HPSE2: variants seen among roughly 807,000 people sequenced by gnomAD.
HPSE2 encodes heparanase 2 (inactive).
In HPSE2, 38 loss-of-function variants were observed where a neutral mutation model predicts 60.5. That is an observed-to-expected ratio of 0.63 (90% confidence interval 0.48 to 0.82). The LOEUF (loss-of-function observed/expected upper bound fraction) is 0.82, where lower values mean the gene tolerates loss of function less well. HPSE2 is among the 40% of genes least tolerant of loss of function. The pLI, the probability that HPSE2 is intolerant of heterozygous loss-of-function variation, is 0.00. For missense variants in HPSE2, 713 were observed against 740.4 expected (o/e 0.96, Z 0.43); for synonymous variants, 295 against 293.2 (o/e 1.01, Z -0.06).
At chr10:99,090,856 G>A (rs1457020707) in intron 3 of HPSE2, among the ~76,000 whole-genome samples, 4 of 151,942 alleles carry the variant, frequency 2.6e-5, no homozygotes, top group East Asian at 1.9e-4. Flanking sequence ...CTGAGGTTGC[G>A]GCCTATTAAT....
intron 3 of HPSE2, among the ~76,000 whole-genome samples, chr10:98,872,493 T>TA (rs1952760279): frequency 6.6e-6 from 1 of 152,116 alleles, no homozygotes; most frequent in Non-Finnish European, 1.5e-5. Context: ...TGGAGTAACT[T>TA]AAAGTGTTAC....
chr10:99,221,797 G>T (rs1028250797), intron 2 of HPSE2, among the ~76,000 whole-genome samples: 1 of 152,104 alleles, frequency 6.6e-6, no homozygotes, highest in African/African-American at 2.4e-5. Flanking sequence ...CTACAGGGAG[G>T]CGGAGAGAAG....
At chr10:98,906,003 T>C (rs1953805705) in intron 3 of HPSE2, among the ~76,000 whole-genome samples, 1 of 152,124 alleles carries the variant, frequency 6.6e-6, no homozygotes, top group African/African-American at 2.4e-5. Flanking sequence ...CTAGGAATTG[T>C]CCTTAGCTGA....
chr10:98,971,392 CCTCT>C (rs63020562), intron 3 of HPSE2, among the ~76,000 whole-genome samples: 4 of 151,738 alleles, frequency 2.6e-5, no homozygotes, highest in Non-Finnish European at 5.9e-5. Flanking sequence ...CCTTGCAAAG[CCTCT>C]CTCTTTCATT....
intron 9 of HPSE2, among the ~76,000 whole-genome samples, chr10:98,603,038 T>C (rs1945472790): frequency 6.6e-6 from 1 of 152,134 alleles, no homozygotes; most frequent in Non-Finnish European, 1.5e-5. Flanking sequence ...CTTCCATATA[T>C]GAGGAGTTTA....
In HPSE2 at chr10:98,728,902, A is replaced by C. The variant is rs547131919; in HGVS notation, c.785-7074T>G. On this transcript the variant is annotated intron_variant, in intron 4 of 11. Transcript: ENST00000370552. The stretch of plus-strand genomic sequence containing the variant: ...CATGCACCTGCAGTCCCAGCTACTC[A>C]GGAGGCTAAGGTGGGAGAATCGCTT... Among the ~76,000 whole-genome samples, 21 of 152,160 alleles carry C rather than the reference A, an allele frequency of 1.4e-4. 1 individual carries two copies. In the South Asian group the frequency reaches 3.1e-3, roughly 23 times the overall value.
chr10:99,171,594 C>G (rs1847311701), intron 2 of HPSE2, among the ~76,000 whole-genome samples: 1 of 152,146 alleles, frequency 6.6e-6, no homozygotes, highest in Non-Finnish European at 1.5e-5. Context: ...TACACCAAAG[C>G]AGCATTCATG....
At chr10:99,116,332 C>T (rs369683582) in intron 3 of HPSE2, among the ~76,000 whole-genome samples, 29 of 152,060 alleles carry the variant, frequency 1.9e-4, no homozygotes, top group African/African-American at 6.8e-4. Flanking sequence ...CATTATGATT[C>T]CTTCATCTAT....
intron 3 of HPSE2, among the ~76,000 whole-genome samples, chr10:99,104,288 GA>G (rs1317043108): frequency 1.3e-5 from 2 of 151,850 alleles, no homozygotes. Context: ...AAATTTACAA[GA>G]AAAAAACAAA....
Position 99,013,283 on chromosome 10 carries a change from C to G in HPSE2, c.610+130955G>C, listed in dbSNP as rs796511124. 1.8e-5 allele frequency: 11 copies of G among 618,128 alleles called. No homozygotes were observed. In the African/African-American group the frequency reaches 1.8e-4, roughly 10 times the overall value. 38.3% of individuals were successfully genotyped at this position (618,128 alleles called of 1,614,324 possible). On this transcript the variant is annotated intron_variant, in intron 3 of 11. Transcript: ENST00000370552. ...CTTGTTTATTAGCAAAAATCAGTAACCCAGCTTTTCTTAGGTCCTCATGTG... is the reference window on the plus strand; with the variant it reads ...CTTGTTTATTAGCAAAAATCAGTAAGCCAGCTTTTCTTAGGTCCTCATGTG...
At chr10:99,302,404 A>T in the HPSE2 span, among the ~76,000 whole-genome samples, 1 of 149,242 alleles carries the variant, frequency 6.7e-6, no homozygotes, top group Non-Finnish European at 1.5e-5. Flanking sequence ...GTTATACACT[A>T]TTCACTACTG....
At chr10:98,915,436 C>T (rs541377937) in intron 3 of HPSE2, among the ~76,000 whole-genome samples, 22 of 152,004 alleles carry the variant, frequency 1.4e-4, no homozygotes, top group African/African-American at 5.1e-4. Flanking sequence ...TGTGAGCCAC[C>T]GCGCCCAGCC....
At chr10:98,526,099 T>G (rs570063746) in intron 9 of HPSE2, among the ~76,000 whole-genome samples, 9 of 152,260 alleles carry the variant, frequency 5.9e-5, no homozygotes, top group African/African-American at 2.2e-4. Context: ...GAAGCCACAG[T>G]TTCTGCTATT....
At chr10:99,184,793 T>TATATATATATATATATATA (rs1406185102) in intron 2 of HPSE2, among the ~76,000 whole-genome samples, 2 of 20,536 alleles carry the variant, frequency 9.7e-5, no homozygotes, top group Non-Finnish European at 2.1e-4. Context: ...AAATTATATA[T>TATATATATATATATATATA]ATATATATAT....
chr10:98,743,136 C>T (rs1055402979), intron 4 of HPSE2, among the ~76,000 whole-genome samples: 6 of 151,850 alleles, frequency 4.0e-5, no homozygotes, highest in Non-Finnish European at 8.8e-5. Flanking sequence ...CCACGTCTGG[C>T]TAATTTTTGT....
At chr10:98,561,727 A>C (rs1944189583) in intron 9 of HPSE2, among the ~76,000 whole-genome samples, 1 of 152,162 alleles carries the variant, frequency 6.6e-6, no homozygotes, top group African/African-American at 2.4e-5. Flanking sequence ...GGGCGCCTGC[A>C]ATTCCAGCTA....
intron 11 of HPSE2, 135 bp from the exon 12 acceptor site, chr10:98,459,874 T>G: frequency 1.2e-6 from 1 of 863,856 alleles, no homozygotes; most frequent in South Asian, 1.5e-5. Context: ...GGCTATGCCC[T>G]AGATTCTGAC....
intron 3 of HPSE2, among the ~76,000 whole-genome samples, chr10:98,847,107 A>C (rs780196034): frequency 3.3e-5 from 5 of 152,196 alleles, no homozygotes; most frequent in Non-Finnish European, 5.9e-5. Flanking sequence ...ATTTACCTTC[A>C]GATTCAATAA....
chr10:99,268,670 T>C, the HPSE2 span, among the ~76,000 whole-genome samples: 9 of 144,660 alleles, frequency 6.2e-5, no homozygotes, highest in African/African-American at 2.0e-4. Flanking sequence ...AAGGCATAAA[T>C]CTCTCAGGAC....
Sources: allele counts gnomAD v4.1 joint callset (sites outside exome capture counted in the v4.1 genomes callset), GRCh38; gene constraint gnomAD v4.1.1; transcripts MANE v1.5; gene names NCBI Gene and HGNC (gene_info 2026-07-23, HGNC 2026-07-21).